The following CFI variants were observed in gnomAD, a reference collection of about 807,000 sequenced individuals.
CFI encodes complement factor I.
A neutral mutation model predicts 78.8 loss-of-function variants in CFI; 66 were observed. That is an observed-to-expected ratio of 0.84 (90% confidence interval 0.69 to 1.03). The LOEUF is 1.03. Among genes scored for constraint, CFI ranks in the 50% least tolerant of loss-of-function variants. The pLI, the probability that CFI is intolerant of heterozygous loss-of-function variation, is 0.00. For synonymous variants in CFI, 250 were observed against 232.6 expected (o/e 1.07, Z -0.68); for missense variants, 706 against 704.5 (o/e 1.00, Z -0.02).
intron 8 of CFI, 79 bp from the exon 9 acceptor site, chr4:109,749,681 C>T: frequency 2.2e-6 from 2 of 892,232 alleles, no homozygotes; most frequent in African/African-American, 1.6e-5. Flanking sequence ...TTATCTATGC[C>T]ACAAAAACAG....
the CFI span, among the ~76,000 whole-genome samples, chr4:109,733,218 C>G: frequency 1.3e-5 from 2 of 152,218 alleles, no homozygotes; most frequent in South Asian, 4.1e-4. Context: ...AGTCATTCCC[C>G]TGCCTTGGCC....
chr4:109,746,203 C>A lies in CFI; in HGVS notation c.1429+19G>T. On this transcript the variant is annotated intron_variant, in intron 11 of 12. Coordinates refer to ENST00000394634, the MANE Select transcript of CFI (RefSeq NM_000204.5). The stretch of plus-strand genomic sequence containing the variant: ...TTTCCAACTCATGGCTTCTGATTAA[C>A]AAACTGTAAAACATATACCTTTTTC... The A allele has an allele frequency of 6.2e-7, 1 of 1,613,852 alleles. No homozygotes were observed. Among genetic ancestry groups the A allele is most frequent in the Non-Finnish European group, 8.5e-7 (1 of 1,179,838 alleles).
chr4:109,743,467 A>G (rs1724049596), intron 11 of CFI, among the ~76,000 whole-genome samples: 1 of 152,144 alleles, frequency 6.6e-6, no homozygotes, highest in African/African-American at 2.4e-5. Flanking sequence ...GGTGGTCAGT[A>G]AACACCTTGA....
intron 4 of CFI, among the ~76,000 whole-genome samples, 166 bp downstream of exon 4, chr4:109,761,351 A>G (rs1290252956): frequency 6.6e-6 from 1 of 152,190 alleles, no homozygotes; most frequent in Non-Finnish European, 1.5e-5. Flanking sequence ...AAATGGTACA[A>G]TAGGGGAAAG....
intron 1 of CFI, among the ~76,000 whole-genome samples, chr4:109,778,629 T>C (rs571392073): frequency 6.6e-6 from 1 of 152,278 alleles, no homozygotes; most frequent in South Asian, 2.1e-4. Context: ...TAATTCATTT[T>C]ATGAGGCCAA....
chr4:109,791,754 G>A (rs1304969849), intron 1 of CFI, among the ~76,000 whole-genome samples: 2 of 151,972 alleles, frequency 1.3e-5, no homozygotes, highest in Admixed American at 1.3e-4. Context: ...TACTTGTAAG[G>A]GTGCAGCCTT....
chr4:109,785,686 T>C, intron 1 of CFI, among the ~76,000 whole-genome samples: 1 of 152,196 alleles, frequency 6.6e-6, no homozygotes, highest in South Asian at 2.1e-4. Flanking sequence ...TCTTGAATTA[T>C]AATCCCCATA....
At chr4:109,741,282 T>C (rs1723763208) in intron 12 of CFI, 172 bp from the exon 13 acceptor site, 2 of 985,452 alleles carry the variant, frequency 2.0e-6, no homozygotes, top group Admixed American at 6.1e-5. Flanking sequence ...GAGATGCAGC[T>C]TGGAAAATTC....
intron 1 of CFI, among the ~76,000 whole-genome samples, chr4:109,784,780 T>G (rs748382243): frequency 7.2e-5 from 11 of 152,204 alleles, no homozygotes; most frequent in East Asian, 1.9e-4. Flanking sequence ...TCCTATGTAT[T>G]TACTGTGCAT....
At chr4:109,778,526 A>T (rs1729575823) in intron 1 of CFI, among the ~76,000 whole-genome samples, 1 of 152,218 alleles carries the variant, frequency 6.6e-6, no homozygotes, top group South Asian at 2.1e-4. Flanking sequence ...GACCAGACAG[A>T]TTCACAGCCA....
rs1377651750 is a variant in CFI, at chr4:109,760,251, C to T, written c.883+19G>A. The T allele has an allele frequency of 1.3e-6, 2 of 1,571,416 alleles. No homozygotes were observed. Among genetic ancestry groups the T allele is most frequent in the African/African-American group, 2.7e-5 (2 of 73,936 alleles). ...TGGATTCAATAATGAAAAAAAGTCA[C>T]CCCAAGTCTTTCAATTACCTGCACA... On this transcript the variant is annotated intron_variant, in intron 6 of 12. Coordinates refer to ENST00000394634, the MANE Select transcript of CFI (RefSeq NM_000204.5).
chr4:109,739,201 T>G (rs1723558104), downstream of CFI, among the ~76,000 whole-genome samples: 1 of 152,162 alleles, frequency 6.6e-6, no homozygotes, highest in South Asian at 2.1e-4. Context: ...TATCCAAGAC[T>G]GGCCCTAAAT....
chr4:109,788,187 A>G (rs1400006902), intron 1 of CFI, among the ~76,000 whole-genome samples: 2 of 152,196 alleles, frequency 1.3e-5, no homozygotes, highest in Non-Finnish European at 2.9e-5. Flanking sequence ...ATCTCCTTAT[A>G]TAATACACAT....
chr4:109,758,453 G>A (rs1270969079), intron 6 of CFI, among the ~76,000 whole-genome samples: 8 of 152,062 alleles, frequency 5.3e-5, no homozygotes, highest in Admixed American at 4.6e-4. Flanking sequence ...AGGTACATAA[G>A]GAATATTTTT....
chr4:109,764,642 A>G lies in CFI; in HGVS notation c.377T>C (p.Ile126Thr), dbSNP rs778891732. 17 of 1,613,976 alleles carry G rather than the reference A, an allele frequency of 1.1e-5. No homozygotes were observed. The South Asian group carries it at 1.5e-4, about 15-fold the overall frequency. ...TTGGTCCACAAGTTTTACTTCAACT[A>G]TTCCCTCTGAATCTGTATTTCCATG... ...LKHGNTDSEG[I>T]VEVKLVDQDK... The change falls in exon 3 of 13, where the codon ATA (isoleucine) becomes ACA (threonine). Residue 126 changes from isoleucine to threonine, a missense_variant. Physicochemically the swap from Ile to Thr is moderately conservative, Grantham distance 89 (BLOSUM62 -1). Transcript: ENST00000394634.
At chr4:109,781,049 T>G (rs62324931) in intron 1 of CFI, among the ~76,000 whole-genome samples, 1 of 152,004 alleles carries the variant, frequency 6.6e-6, no homozygotes, top group Non-Finnish European at 1.5e-5. Context: ...CTAATGTACA[T>G]GACAAGTTAA....
At chr4:109,781,007 G>A (rs1445236067) in intron 1 of CFI, among the ~76,000 whole-genome samples, 5 of 152,170 alleles carry the variant, frequency 3.3e-5, no homozygotes, top group Non-Finnish European at 7.4e-5. Flanking sequence ...TGGGGTCAGG[G>A]GAGCGGGGAG....
chr4:109,787,211 C>T (rs562631891), intron 1 of CFI, among the ~76,000 whole-genome samples: 47 of 152,168 alleles, frequency 3.1e-4, no homozygotes, highest in African/African-American at 1.1e-3. Context: ...CTGAGAAAAA[C>T]AATTGGAAAA....
chr4:109,739,958 AATGG>A (rs1266939151), downstream of CFI, among the ~76,000 whole-genome samples: 1 of 152,078 alleles, frequency 6.6e-6, no homozygotes, highest in Non-Finnish European at 1.5e-5. Context: ...ATGCTTGTGA[AATGG>A]GGGAGCAAAG....
Sources: gnomAD v4.1 joint callset for allele counts (sites outside exome capture counted in the v4.1 genomes callset) on GRCh38, gnomAD v4.1.1 for gene constraint, MANE v1.5 for transcripts, NCBI Gene and HGNC (gene_info 2026-07-23, HGNC 2026-07-21) for gene names.